Variants in FAM107B observed in about 807,000 individuals in gnomAD.
FAM107B encodes protein FAM107B.
FAM107B carries 21 observed loss-of-function variants against 31.5 expected under a neutral mutation model. The observed-to-expected ratio is 0.67, with a 90% CI of 0.47 to 0.96. FAM107B has a LOEUF of 0.96. Ranked by LOEUF, FAM107B falls within the 40% of genes least tolerant of loss-of-function variation. The pLI is 0.00. For synonymous variants in FAM107B, 157 were observed against 141.5 expected, an observed-to-expected ratio of 1.11 and a Z score of -0.78; for missense variants, 452 against 377.1, an observed-to-expected ratio of 1.20 and a Z score of -1.64.
At chr10:14,618,442 T>G (rs1852908319) in intron 2 of FAM107B, among the ~76,000 whole-genome samples, 1 of 151,862 alleles carries the variant, frequency 6.6e-6, no homozygotes. Flanking sequence ...GACTGTCGGG[T>G]TGTATGGTAT....
At chr10:14,667,858 A>C (rs1854445730) in intron 1 of FAM107B, among the ~76,000 whole-genome samples, 167 bp from the exon 2 acceptor site, 1 of 148,102 alleles carries the variant, frequency 6.8e-6, no homozygotes, top group Non-Finnish European at 1.5e-5. Context: ...ACAAATCAAC[A>C]ATAAATGCCA....
intron 2 of FAM107B, among the ~76,000 whole-genome samples, chr10:14,568,816 G>C (rs12570114): frequency 0.041 from 6,242 of 151,804 alleles, 178 homozygotes; most frequent in East Asian, 0.089. Flanking sequence ...GGGGTGGAAG[G>C]GGGAGGCAAA....
At chr10:14,578,764 A>C (rs1851541438) in intron 2 of FAM107B, among the ~76,000 whole-genome samples, 1 of 152,242 alleles carries the variant, frequency 6.6e-6, no homozygotes, top group Admixed American at 6.5e-5. Context: ...AACAAGGAAG[A>C]ATGGGGCAGA....
chr10:14,590,361 G>A (rs946360714), intron 2 of FAM107B, among the ~76,000 whole-genome samples: 5 of 152,210 alleles, frequency 3.3e-5, no homozygotes, highest in South Asian at 2.1e-4. Context: ...GTGACTATGG[G>A]AATCCTAGAA....
intron 1 of FAM107B, among the ~76,000 whole-genome samples, chr10:14,690,693 C>T (rs891088968): frequency 5.3e-5 from 8 of 152,018 alleles, no homozygotes; most frequent in African/African-American, 1.7e-4. Context: ...ACCTTGTGAT[C>T]CCCCCACCTC....
At chr10:14,639,979 C>T (rs982247811) in intron 2 of FAM107B, among the ~76,000 whole-genome samples, 2 of 152,196 alleles carry the variant, frequency 1.3e-5, no homozygotes, top group African/African-American at 4.8e-5. Flanking sequence ...GACTGCCACC[C>T]GTTTCCTTCT....
At chr10:14,604,231 C>T in intron 2 of FAM107B, 2 of 979,692 alleles carry the variant, frequency 2.0e-6, no homozygotes, top group Non-Finnish European at 2.4e-6. Flanking sequence ...GTGCGGGAGG[C>T]GAACCTACCT....
intron 1 of FAM107B, among the ~76,000 whole-genome samples, chr10:14,761,406 A>C (rs1451315486): frequency 6.6e-6 from 1 of 152,222 alleles, no homozygotes; most frequent in Non-Finnish European, 1.5e-5. Flanking sequence ...ATACAGTTAT[A>C]CACACTTTTT....
At chr10:14,707,676 C>A (rs2131532872) in intron 1 of FAM107B, among the ~76,000 whole-genome samples, 1 of 152,302 alleles carries the variant, frequency 6.6e-6, no homozygotes, top group East Asian at 1.9e-4. Context: ...CACATGGCTG[C>A]CTTCAGTGGG....
chr10:14,747,342 A>T (rs1043725093), intron 1 of FAM107B, among the ~76,000 whole-genome samples: 2 of 151,962 alleles, frequency 1.3e-5, no homozygotes, highest in Non-Finnish European at 2.9e-5. Context: ...CTTGTTGGAG[A>T]TGTGTTGTGA....
At chr10:14,563,341 C>T (rs1218653460) in intron 2 of FAM107B, among the ~76,000 whole-genome samples, 1 of 152,176 alleles carries the variant, frequency 6.6e-6, no homozygotes, top group African/African-American at 2.4e-5. Context: ...ATGAATGCAT[C>T]ATTTAAAATA....
At position 14,772,362 on chromosome 10, in the gene FAM107B, A is replaced by AAATATAT. The variant is rs10651238; in HGVS notation, c.411+1890_411+1891insATATATT. ...GAGCAAGACTCCATCTTAAAAAAAAAATATATATATATATATATGCACCTC... is the reference window on the plus strand; with the variant it reads ...GAGCAAGACTCCATCTTAAAAAAAAAAATATATATATATATATATATATATGCACCTC... On this transcript the variant is annotated intron_variant, in intron 1 of 4. Transcript: ENST00000181796. Among the ~76,000 whole-genome samples, 215 of 145,634 alleles carry AAATATAT rather than the reference A, an allele frequency of 1.5e-3. 1 individual carries two copies. Among genetic ancestry groups the AAATATAT allele is most frequent in the African/African-American group, 5.1e-3 (197 of 38,362 alleles).
At chr10:14,701,227 T>A (rs1314006651) in intron 1 of FAM107B, among the ~76,000 whole-genome samples, 1 of 151,988 alleles carries the variant, frequency 6.6e-6, no homozygotes, top group Admixed American at 6.6e-5. Flanking sequence ...ATTTTATTAT[T>A]TATTTCTTAT....
intron 1 of FAM107B, among the ~76,000 whole-genome samples, chr10:14,747,681 T>C (rs1314379296): frequency 6.6e-6 from 1 of 152,170 alleles, no homozygotes. Flanking sequence ...TCCTCTGGGA[T>C]CTCTGTCTCA....
intron 1 of FAM107B, among the ~76,000 whole-genome samples, chr10:14,772,390 T>C (rs1833327135): frequency 6.6e-6 from 1 of 150,506 alleles, no homozygotes; most frequent in Non-Finnish European, 1.5e-5. Flanking sequence ...TGCACCTCAC[T>C]GTCACCAGGG....
chr10:14,646,761 G>A (rs1332018845), intron 2 of FAM107B, among the ~76,000 whole-genome samples: 1 of 142,532 alleles, frequency 7.0e-6, no homozygotes, highest in Non-Finnish European at 1.5e-5. Flanking sequence ...TTCCATTGAG[G>A]TTGTACTGAT....
intron 2 of FAM107B, among the ~76,000 whole-genome samples, chr10:14,628,769 A>T (rs1853242909): frequency 6.6e-6 from 1 of 152,072 alleles, no homozygotes. Flanking sequence ...ATGGTGGCTT[A>T]CACCTGTAAT....
At chr10:14,607,745 G>A (rs1852629796) in intron 2 of FAM107B, among the ~76,000 whole-genome samples, 1 of 152,192 alleles carries the variant, frequency 6.6e-6, no homozygotes, top group Admixed American at 6.5e-5. Context: ...GTGGCTTAGA[G>A]GGTCTTTACT....
At chr10:14,657,746 G>A (rs551896423) in intron 2 of FAM107B, among the ~76,000 whole-genome samples, 1 of 152,090 alleles carries the variant, frequency 6.6e-6, no homozygotes, top group African/African-American at 2.4e-5. Flanking sequence ...AACAGGGATT[G>A]TATGACTTTC....
Sources: gnomAD v4.1 joint callset for allele counts (sites outside exome capture counted in the v4.1 genomes callset) on GRCh38, gnomAD v4.1.1 for gene constraint, MANE v1.5 for transcripts, NCBI Gene and HGNC (gene_info 2026-07-23, HGNC 2026-07-21) for gene names.